Variants in TRPM1 observed in about 807,000 individuals in gnomAD.
TRPM1 encodes TRPM1-203 APA Isoform, Intron 10.
A neutral mutation model predicts 149.4 loss-of-function variants in TRPM1; 113 were observed. That is an observed-to-expected ratio of 0.76 (90% CI 0.65 to 0.88). The LOEUF (loss-of-function observed/expected upper bound fraction) is 0.88. Ranked by LOEUF, TRPM1 falls within the 40% of genes least tolerant of loss-of-function variation. The pLI, the probability that TRPM1 is intolerant of heterozygous loss-of-function variation, is 0.00. For missense variants in TRPM1, 1,976 were observed against 2,038.7 expected, an observed-to-expected ratio of 0.97 and a Z score of 0.59; for synonymous variants, 741 against 759.5, an observed-to-expected ratio of 0.98 and a Z score of 0.40.
chr15:31,113,704 T>C (rs975072053), intron 1 of TRPM1, among the ~76,000 whole-genome samples: 1 of 152,224 alleles, frequency 6.6e-6, no homozygotes, highest in Non-Finnish European at 1.5e-5. Flanking sequence ...CATAGTTAGT[T>C]CATTCCGGTG....
chr15:31,009,145 AAGAATGTTTTTGTTG>A (rs1265356580), intron 27 of TRPM1, among the ~76,000 whole-genome samples: 2 of 151,700 alleles, frequency 1.3e-5, no homozygotes, highest in African/African-American at 4.8e-5. Context: ...TTCATTTTTG[AAGAATGTTTTTGTTG>A]AGTATGTAAT....
intron 13 of TRPM1, 142 bp from the exon 14 acceptor site, chr15:31,048,081 G>A: frequency 1.3e-6 from 1 of 752,782 alleles, no homozygotes. Flanking sequence ...TGGCCAACAT[G>A]GTGAAACCCC....
chr15:31,069,695 A>G lies in TRPM1; in HGVS notation c.279+336T>C, dbSNP rs145112072. 2.4e-4 allele frequency: 338 copies of G among 1,419,208 alleles called. 2 individuals are homozygous for G. The African/African-American group carries it at 4.5e-3, about 19-fold the overall frequency. The allele number at this position is 1,419,208 out of a possible 1,614,324, so 87.9% of individuals were successfully genotyped here. Reference sequence around the variant, plus strand: ...CTCTCAACACATCTAAGGGGGCTGCAGGTCCACAGTTATTAGAAAAATGAA... The same window carrying G: ...CTCTCAACACATCTAAGGGGGCTGCGGGTCCACAGTTATTAGAAAAATGAA... On this transcript the variant is annotated intron_variant, in intron 4 of 27. Transcript: ENST00000256552.
chr15:31,030,932 C>A, intron 23 of TRPM1, 51 bp downstream of exon 23: 1 of 1,604,706 alleles, frequency 6.2e-7, no homozygotes, highest in Non-Finnish European at 8.5e-7. Flanking sequence ...TGGAACTGAT[C>A]ATCTGCCTCA....
At chr15:31,069,086 C>G (rs1477092868) in intron 4 of TRPM1, among the ~76,000 whole-genome samples, 1 of 152,196 alleles carries the variant, frequency 6.6e-6, no homozygotes, top group Admixed American at 6.5e-5. Flanking sequence ...CATACTTGTA[C>G]TGAAAATTTA....
At chr15:31,088,722 T>G (rs930812567) in intron 1 of TRPM1, among the ~76,000 whole-genome samples, 2 of 151,362 alleles carry the variant, frequency 1.3e-5, no homozygotes, top group East Asian at 3.9e-4. Flanking sequence ...TGAGATTGAC[T>G]GAAGCGGCGG....
chr15:31,145,807 G>A (rs560864622), intron 1 of TRPM1, among the ~76,000 whole-genome samples: 4 of 152,060 alleles, frequency 2.6e-5, no homozygotes, highest in African/African-American at 9.7e-5. Flanking sequence ...TTTGATTTTA[G>A]TTGGTTTGGT....
In TRPM1 at chr15:31,002,898, G is replaced by C; in HGVS notation, c.3802C>G (p.Arg1268Gly). Residue 1268 changes from arginine (R) to glycine (G), a missense_variant, in exon 28 of 28, where the codon CGG becomes GGG. This residue lies in a region of TRPM1 where 572 missense variants were observed against 578.9 expected (regional missense o/e 0.99). Coordinates refer to ENST00000256552, the MANE Select transcript of TRPM1 (RefSeq NM_001252024.2). ...TCACATTCAGAAGAAGCCCGGGACCGTGCCTGGATCAGGTCAGACCTGTCG... is the reference window on the plus strand; with the variant it reads ...TCACATTCAGAAGAAGCCCGGGACCCTGCCTGGATCAGGTCAGACCTGTCG... ...GIDRSDLIQARSRASSECEAT... is the reference protein window; with the variant it reads ...GIDRSDLIQAGSRASSECEAT... 1 of 1,613,810 alleles carries C rather than the reference G, an allele frequency of 6.2e-7. No homozygotes were observed. The highest frequency in any genetic ancestry group is 8.5e-7 in the Non-Finnish European group (1 of 1,179,740).
At chr15:31,119,237 A>G (rs530777594) in intron 1 of TRPM1, among the ~76,000 whole-genome samples, 43 of 140,166 alleles carry the variant, frequency 3.1e-4, no homozygotes, top group African/African-American at 1.1e-3. Flanking sequence ...GTGAAACTCC[A>G]TCTCAAAAAT....
intron 1 of TRPM1, among the ~76,000 whole-genome samples, chr15:31,111,901 C>A (rs1175553391): frequency 6.6e-6 from 1 of 152,054 alleles, no homozygotes; most frequent in East Asian, 1.9e-4. Context: ...ACCCACCCCC[C>A]CAAAAAAATT....
chr15:31,061,320 A>G (rs1039690939), intron 10 of TRPM1, 122 bp downstream of exon 10: 1 of 938,912 alleles, frequency 1.1e-6, no homozygotes, highest in African/African-American at 1.6e-5. Flanking sequence ...GAGACTGCTC[A>G]AGTGGCCTGG....
intron 25 of TRPM1, 85 bp downstream of exon 25, chr15:31,028,247 G>T: frequency 1.3e-6 from 2 of 1,538,660 alleles, no homozygotes; most frequent in Non-Finnish European, 1.8e-6. Context: ...CAAATATATT[G>T]GTATCTTGGG....
intron 18 of TRPM1, among the ~76,000 whole-genome samples, chr15:31,039,469 T>C (rs1238045569): frequency 1.3e-5 from 2 of 152,202 alleles, no homozygotes; most frequent in African/African-American, 4.8e-5. Context: ...GTCTTTTCTT[T>C]ATCCTCATGG....
Position 31,066,226 on chromosome 15 carries a change from TG to T in TRPM1, c.639del (p.Met214CysfsTer5), listed in dbSNP as rs749955704. On this transcript the variant is annotated frameshift_variant, in exon 7 of 28. Coordinates refer to ENST00000256552, the MANE Select transcript of TRPM1 (RefSeq NM_001252024.2). LOFTEE classifies it high-confidence loss of function. Reference sequence around the variant, plus strand: ...GAGAGCTTACTTAGAGGGTTGGACATGGTCTGGTACACTCTTGTTACCTGAC... The same window carrying T: ...GAGAGCTTACTTAGAGGGTTGGACATGTCTGGTACACTCTTGTTACCTGAC... The part of the protein sequence containing the change: ...VGKDVTRVYQ[T>X]MSNPLSKLSV... 1.2e-6 allele frequency: 2 copies of T among 1,614,084 alleles called. No individual in the cohort carries two copies. The highest frequency in any genetic ancestry group is 3.3e-5 in the Admixed American group (2 of 60,012).
In TRPM1 at chr15:31,076,479, T is replaced by A. The variant is rs112541695; in HGVS notation, c.83+426A>T. On this transcript the variant is annotated intron_variant, in intron 3 of 27. Transcript: ENST00000256552. ...GTGAATAAAATTGTTGGATGTTTTG[T>A]GTACAAGCCAAATCCTTTAATAAAG... is the stretch of plus-strand genomic sequence containing the variant. 1.8e-3 allele frequency among the ~76,000 whole-genome samples: 274 copies of A among 152,340 alleles called. 1 individual carries two copies. Among genetic ancestry groups the A allele is most frequent in the Non-Finnish European group, 3.2e-3 (217 of 68,016 alleles).
chr15:31,051,077 G>A (rs970999795), intron 11 of TRPM1, among the ~76,000 whole-genome samples: 3 of 152,206 alleles, frequency 2.0e-5, no homozygotes, highest in Non-Finnish European at 2.9e-5. Context: ...ACGTAAACTG[G>A]AGCTTATCGG....
At chr15:31,067,268 C>G in intron 5 of TRPM1, 81 bp from the exon 6 acceptor site, 2 of 1,592,420 alleles carry the variant, frequency 1.3e-6, no homozygotes, top group Non-Finnish European at 1.7e-6. Context: ...GACACTTGCC[C>G]TGAGTCCCTA....
intron 1 of TRPM1, among the ~76,000 whole-genome samples, chr15:31,091,866 A>T (rs2035249599): frequency 6.6e-6 from 1 of 152,216 alleles, no homozygotes; most frequent in Admixed American, 6.5e-5. Context: ...ACCTTCTTCA[A>T]AAGTTCAGTG....
chr15:31,028,469 A>G lies in TRPM1; in HGVS notation c.3156T>C (p.Cys1052=), dbSNP rs1477861493. ...DLYAMEINPP[C]GENLYDEEGK... ...CCTCCTCATCATATAGGTTCTCACC[A>G]CAAGGAGCTGAAAGAAAAAAATAGT... Residue 1052 remains cysteine (C), a synonymous_variant, in exon 25 of 28, where the codon TGT becomes TGC. Transcript: ENST00000256552. 1.2e-6 allele frequency: 2 copies of G among 1,614,120 alleles called. No individual in the cohort carries two copies. The highest frequency in any genetic ancestry group is 2.2e-5 in the East Asian group (1 of 44,894).
Sources: gnomAD v4.1 joint callset for allele counts (sites outside exome capture counted in the v4.1 genomes callset) on GRCh38, gnomAD v4.1.1 for gene constraint, gnomAD v4.1.1 regional missense constraint, MANE v1.5 for transcripts, NCBI Gene and HGNC (gene_info 2026-07-23, HGNC 2026-07-21) for gene names.